DCUN1D1: variants seen among roughly 807,000 people sequenced by gnomAD.
DCUN1D1 encodes DCN1-like protein 1.
A neutral mutation model predicts 39.0 loss-of-function variants in DCUN1D1; 3 were observed. That is an observed-to-expected ratio of 0.08 (90% confidence interval 0.04 to 0.20). The LOEUF (loss-of-function observed/expected upper bound fraction) is 0.20, where lower values mean the gene tolerates loss of function less well. Among genes scored for constraint, DCUN1D1 ranks in the 10% least tolerant of loss-of-function variants. The probability of loss-of-function intolerance (pLI) is 1.00; values close to 1 mark genes in which losing one functional copy is unlikely to be tolerated. For missense variants in DCUN1D1, 158 were observed against 302.4 expected, an observed-to-expected ratio of 0.52 and a Z score of 3.54; for synonymous variants, 82 against 96.3, an observed-to-expected ratio of 0.85 and a Z score of 0.87.
chr3:182,977,239 C>G (rs1728281545), intron 1 of DCUN1D1, among the ~76,000 whole-genome samples: 1 of 152,148 alleles, frequency 6.6e-6, no homozygotes, highest in African/African-American at 2.4e-5. Flanking sequence ...ACCTCAAAAC[C>G]TCCTTGATAT....
intron 6 of DCUN1D1, among the ~76,000 whole-genome samples, chr3:182,945,552 G>A (rs2036710): frequency 0.11 from 17,455 of 152,086 alleles, 1,280 homozygotes; most frequent in Middle Eastern, 0.17. Context: ...CAGTGAGATC[G>A]CGCCACTGCA....
rs531675680 is a variant in DCUN1D1 at position 182,942,579 on chromosome 3, CA to C, written c.*2514del. On this transcript the variant is annotated 3_prime_UTR_variant, in exon 7 of 7. Coordinates refer to ENST00000292782, the MANE Select transcript of DCUN1D1 (RefSeq NM_020640.4). ...AATTTGTACCTGTTTTGACATTTGG[CA>C]AAAAGGAAACTGTACCTATGGTTCA... The C allele has an allele frequency of 2.0e-5, 3 of 151,084 alleles. No individual in the cohort carries two copies. The highest frequency in any genetic ancestry group is 7.3e-5 in the African/African-American group (3 of 41,188). 9.4% of individuals were successfully genotyped at this position (151,084 alleles called of 1,614,324 possible). A position where few individuals can be genotyped will look rare whatever the true frequency, so the allele number is the denominator to read the frequency against.
intron 4 of DCUN1D1, among the ~76,000 whole-genome samples, chr3:182,951,569 T>C (rs1726741013): frequency 7.9e-6 from 1 of 125,844 alleles, no homozygotes; most frequent in African/African-American, 3.2e-5. Context: ...TGGGTCATGA[T>C]TGTGCCACTG....
intron 4 of DCUN1D1, among the ~76,000 whole-genome samples, chr3:182,959,470 T>G (rs1727262905): frequency 8.2e-6 from 1 of 122,372 alleles, no homozygotes; most frequent in Non-Finnish European, 1.6e-5. Context: ...GGCCCCTTAT[T>G]AGCCTCTCCA....
chr3:182,955,781 A>G (rs1269708082), intron 4 of DCUN1D1: 6 of 295,004 alleles, frequency 2.0e-5, no homozygotes, highest in Non-Finnish European at 3.4e-5. Context: ...GGGTTTCACC[A>G]TGTTGGTCAG....
At chr3:182,956,064 G>A (rs959016493) in intron 4 of DCUN1D1, 1 of 156,098 alleles carries the variant, frequency 6.4e-6, no homozygotes, top group African/African-American at 2.4e-5. Context: ...GGGTAGCTGG[G>A]ATTACAGGCA....
At chr3:182,952,424 C>T (rs9809037) in intron 4 of DCUN1D1, among the ~76,000 whole-genome samples, 12,619 of 152,188 alleles carry the variant, frequency 0.083, 1,702 homozygotes, top group African/African-American at 0.28. Flanking sequence ...CTAACAGCTC[C>T]TAAATCTGAA....
At chr3:182,961,148 C>T in intron 4 of DCUN1D1, 78 bp downstream of exon 4, 1 of 1,045,490 alleles carries the variant, frequency 9.6e-7, no homozygotes, top group Non-Finnish European at 1.4e-6. Flanking sequence ...AAACACATAA[C>T]TTTCTATTAC....
At chr3:182,953,026 A>G (rs2108632617) in intron 4 of DCUN1D1, among the ~76,000 whole-genome samples, 1 of 152,286 alleles carries the variant, frequency 6.6e-6, no homozygotes, top group Non-Finnish European at 1.5e-5. Context: ...TGTCAAATGA[A>G]CTCACTTGCA....
chr3:182,975,851 TAAAA>T (rs533263687), intron 1 of DCUN1D1, among the ~76,000 whole-genome samples: 3 of 66,816 alleles, frequency 4.5e-5, no homozygotes, highest in Admixed American at 3.7e-4. Flanking sequence ...CCAGATATGC[TAAAA>T]AAAAAAAAAA....
intron 1 of DCUN1D1, among the ~76,000 whole-genome samples, chr3:182,966,935 CG>C (rs1352858267): frequency 1.3e-5 from 2 of 151,936 alleles, no homozygotes; most frequent in African/African-American, 4.8e-5. Context: ...GGTGAAACCC[CG>C]TCTCTACTAA....
chr3:182,957,009 A>G (rs1429131188), intron 4 of DCUN1D1, among the ~76,000 whole-genome samples: 1 of 152,236 alleles, frequency 6.6e-6, no homozygotes, highest in Non-Finnish European at 1.5e-5. Context: ...AATAATTGGA[A>G]TGCTGGCCTG....
intron 1 of DCUN1D1, chr3:182,979,952 G>A (rs1256292355): frequency 6.4e-6 from 1 of 155,668 alleles, no homozygotes; most frequent in African/African-American, 2.4e-5. Flanking sequence ...AAAACTGCCT[G>A]GGAGACTTGC....
upstream of DCUN1D1, among the ~76,000 whole-genome samples, chr3:182,983,536 C>T (rs1036912429): frequency 6.6e-5 from 10 of 152,036 alleles, no homozygotes; most frequent in Non-Finnish European, 8.8e-5. Flanking sequence ...GCCAACATGG[C>T]GAAATCCCAT....
chr3:182,940,603 T>G lies in DCUN1D1; in HGVS notation c.*4491A>C, dbSNP rs1231359701. 6.6e-6 allele frequency: 1 copy of G among 152,092 alleles called. No individual in the cohort carries two copies. The highest frequency in any genetic ancestry group is 1.5e-5 in the Non-Finnish European group (1 of 68,018). 9.4% of individuals were successfully genotyped at this position (152,092 alleles called of 1,614,324 possible). On this transcript the variant is annotated 3_prime_UTR_variant, in exon 7 of 7. Transcript: ENST00000292782. Reference sequence around the variant, plus strand: ...ATTTTTCCCCAAACCAAATCGAATATGAAACACTAACAGCCTACAACAGAT... The same window carrying G: ...ATTTTTCCCCAAACCAAATCGAATAGGAAACACTAACAGCCTACAACAGAT...
chr3:182,956,578 T>C (rs1265798300), intron 4 of DCUN1D1, among the ~76,000 whole-genome samples: 5 of 152,220 alleles, frequency 3.3e-5, no homozygotes, highest in Non-Finnish European at 5.9e-5. Flanking sequence ...AAAGGGGTTG[T>C]TATGAGAACC....
At position 182,947,625 on chromosome 3, in the gene DCUN1D1, T is replaced by C. The variant is rs1165070128; in HGVS notation, c.528A>G (p.Glu176=). The C allele has an allele frequency of 5.2e-6, 8 of 1,544,078 alleles. No individual in the cohort carries two copies. Among genetic ancestry groups the C allele is most frequent in the Non-Finnish European group, 7.1e-6 (8 of 1,125,294 alleles). ...CTAAGTTCCAGTAGGCAATGGCCAT[T>C]TCTAGATCTGAAATAGTAAAAATGA... The part of the protein sequence containing the change: ...KNPGQKGLDL[E]MAIAYWNLVL... The change falls in exon 5 of 7, where the codon GAA becomes GAG. Residue 176 remains glutamate, a synonymous_variant. Transcript: ENST00000292782.
intron 2 of DCUN1D1, among the ~76,000 whole-genome samples, chr3:182,964,490 T>C (rs1415085613): frequency 1.3e-5 from 2 of 152,122 alleles, no homozygotes; most frequent in Non-Finnish European, 2.9e-5. Context: ...AACTATGCAA[T>C]TCAACCCTAA....
intron 2 of DCUN1D1, among the ~76,000 whole-genome samples, chr3:182,964,775 G>T: frequency 6.6e-6 from 1 of 151,588 alleles, no homozygotes; most frequent in Non-Finnish European, 1.5e-5. Flanking sequence ...TGAGTAGCGG[G>T]GACTACAGGC....
Sources: gnomAD v4.1 joint callset for allele counts (sites outside exome capture counted in the v4.1 genomes callset) on GRCh38, gnomAD v4.1.1 for gene constraint, MANE v1.5 for transcripts, NCBI Gene and HGNC (gene_info 2026-07-23, HGNC 2026-07-21) for gene names.